EPHA3: variants seen among roughly 807,000 people sequenced by gnomAD.
The protein encoded by EPHA3 is ephrin type-A receptor 3.
A neutral mutation model predicts 107.1 loss-of-function variants in EPHA3; 42 were observed. The observed-to-expected ratio is 0.39, with a 90% confidence interval of 0.31 to 0.51. The LOEUF is 0.51. Ranked by LOEUF, EPHA3 falls within the 20% of genes least tolerant of loss-of-function variation. The probability of loss-of-function intolerance (pLI) is 0.78; values close to 1 mark genes in which losing one functional copy is unlikely to be tolerated. For synonymous variants in EPHA3, 461 were observed against 424.8 expected, an observed-to-expected ratio of 1.09 and a Z score of -1.05; for missense variants, 1,183 against 1,211.2, an observed-to-expected ratio of 0.98 and a Z score of 0.35.
At chr3:89,268,086 G>T (rs1290526951) in intron 3 of EPHA3, among the ~76,000 whole-genome samples, 4 of 152,020 alleles carry the variant, frequency 2.6e-5, no homozygotes, top group African/African-American at 9.7e-5. Context: ...ACTGATATAG[G>T]TTAAGAAAAA....
intron 3 of EPHA3, among the ~76,000 whole-genome samples, chr3:89,244,009 AC>A (rs1475726899): frequency 6.6e-6 from 1 of 152,180 alleles, no homozygotes; most frequent in Non-Finnish European, 1.5e-5. Flanking sequence ...TTCTGACAAT[AC>A]TTATATTTAT....
intron 5 of EPHA3, among the ~76,000 whole-genome samples, chr3:89,391,280 T>C (rs1708725022): frequency 6.6e-6 from 1 of 152,144 alleles, no homozygotes; most frequent in Admixed American, 6.5e-5. Flanking sequence ...TCAGTACCGC[T>C]GTGTAAGTCC....
chr3:89,415,486 A>ATATATATATATG (rs1270480047), intron 10 of EPHA3, among the ~76,000 whole-genome samples: 1 of 146,908 alleles, frequency 6.8e-6, no homozygotes, highest in African/African-American at 2.5e-5. Flanking sequence ...ATATATATAT[A>ATATATATATATG]TATATAAGCT....
At chr3:89,407,552 T>A (rs1709079286) in intron 8 of EPHA3, among the ~76,000 whole-genome samples, 181 bp downstream of exon 8, 1 of 152,146 alleles carries the variant, frequency 6.6e-6, no homozygotes, top group Admixed American at 6.6e-5. Context: ...TTAGTTTTGA[T>A]TTTCTGCTCT....
chr3:89,410,994 G>A lies in EPHA3; in HGVS notation c.1763-2147G>A, dbSNP rs1439483533. 2.0e-5 allele frequency among the ~76,000 whole-genome samples: 3 copies of A among 151,766 alleles called. No individual in the cohort carries two copies. In the South Asian group the frequency reaches 6.2e-4, roughly 31 times the overall value. The stretch of plus-strand genomic sequence containing the variant: ...TATAAGCTGATCTGTGAGCTCAAAA[G>A]TAATGGACATTTCTAAGTCTAAATT... On this transcript the variant is annotated intron_variant, in intron 9 of 16. Coordinates refer to ENST00000336596, the MANE Select transcript of EPHA3 (RefSeq NM_005233.6).
intron 3 of EPHA3, among the ~76,000 whole-genome samples, chr3:89,257,109 C>A (rs755657856): frequency 1.3e-5 from 2 of 152,138 alleles, no homozygotes; most frequent in Non-Finnish European, 2.9e-5. Context: ...GCTGGAAAAG[C>A]AAATAATTCA....
At position 89,210,072 on chromosome 3, in the gene EPHA3, G is replaced by C. The variant is rs2107181449; in HGVS notation, c.366G>C (p.Leu122=). The C allele has an allele frequency of 3.7e-6, 6 of 1,613,978 alleles. No individual in the cohort carries two copies. Among genetic ancestry groups the C allele is most frequent in the Non-Finnish European group, 5.1e-6 (6 of 1,179,926 alleles). Residue 122 remains leucine (L), a synonymous_variant, in exon 3 of 17, where the codon CTG becomes CTC. Coordinates refer to ENST00000336596, the MANE Select transcript of EPHA3 (RefSeq NM_005233.6). ...VLGTCKETFN[L]YYMESDDDHG... ...GAACTTGCAAGGAGACATTCAACCT[G>C]TACTACATGGAGTCTGATGATGATC...
intron 15 of EPHA3, among the ~76,000 whole-genome samples, chr3:89,452,398 A>T (rs1405568413): frequency 6.6e-6 from 1 of 152,092 alleles, no homozygotes; most frequent in African/African-American, 2.4e-5. Context: ...CATCCTAACA[A>T]GTGTGAGGTT....
At chr3:89,244,430 C>T (rs1408559522) in intron 3 of EPHA3, among the ~76,000 whole-genome samples, 1 of 151,826 alleles carries the variant, frequency 6.6e-6, no homozygotes, top group Non-Finnish European at 1.5e-5. Flanking sequence ...TTCTGTACAT[C>T]CAACATATTT....
At chr3:89,177,440 C>A (rs1705344906) in intron 2 of EPHA3, among the ~76,000 whole-genome samples, 1 of 152,182 alleles carries the variant, frequency 6.6e-6, no homozygotes, top group African/African-American at 2.4e-5. Flanking sequence ...CATCTGCCTT[C>A]TCTCTTCTGA....
chr3:89,263,372 C>A (rs1362548027), intron 3 of EPHA3, among the ~76,000 whole-genome samples: 2 of 152,138 alleles, frequency 1.3e-5, no homozygotes, highest in Admixed American at 6.5e-5. Context: ...CCAGCAAGGG[C>A]AAAAGGCCAG....
At chr3:89,202,532 A>AT (rs1327263930) in intron 2 of EPHA3, among the ~76,000 whole-genome samples, 376 of 25,274 alleles carry the variant, frequency 0.015, no homozygotes, top group Middle Eastern at 0.059. Flanking sequence ...AAAAAAAAAA[A>AT]AAATATATAT....
intron 3 of EPHA3, among the ~76,000 whole-genome samples, chr3:89,279,166 G>A (rs991508966): frequency 1.8e-4 from 27 of 152,038 alleles, no homozygotes; most frequent in African/African-American, 5.6e-4. Context: ...CAAACACATA[G>A]CTATGTCACT....
intron 3 of EPHA3, among the ~76,000 whole-genome samples, chr3:89,285,616 A>G (rs1205785390): frequency 1.3e-5 from 2 of 152,220 alleles, no homozygotes; most frequent in African/African-American, 4.8e-5. Flanking sequence ...TGAGCATGTC[A>G]GCTATTTACA....
intron 13 of EPHA3, among the ~76,000 whole-genome samples, chr3:89,442,997 A>G (rs1015513470): frequency 6.6e-6 from 1 of 152,220 alleles, no homozygotes; most frequent in Non-Finnish European, 1.5e-5. Context: ...TTAAGACATC[A>G]TGGAGTAAAA....
chr3:89,189,985 C>A (rs1296865653), intron 2 of EPHA3, among the ~76,000 whole-genome samples: 1 of 152,134 alleles, frequency 6.6e-6, no homozygotes, highest in Admixed American at 6.5e-5. Flanking sequence ...GAGATCTGAG[C>A]TGAAAACAGG....
At chr3:89,296,957 A>C (rs1459398476) in intron 3 of EPHA3, among the ~76,000 whole-genome samples, 2 of 151,970 alleles carry the variant, frequency 1.3e-5, no homozygotes, top group African/African-American at 4.8e-5. Context: ...TCATGAACCA[A>C]CCTCTGCTAG....
chr3:89,200,001 A>T (rs1433777253), intron 2 of EPHA3, among the ~76,000 whole-genome samples: 1 of 152,218 alleles, frequency 6.6e-6, no homozygotes, highest in East Asian at 1.9e-4. Context: ...GAGACCATGG[A>T]GGGCAGCAAG....
At chr3:89,202,794 G>A (rs181886114) in intron 2 of EPHA3, among the ~76,000 whole-genome samples, 1 of 152,060 alleles carries the variant, frequency 6.6e-6, no homozygotes, top group African/African-American at 2.4e-5. Context: ...GTATAAATAT[G>A]TGATTGAAAG....
Sources: gnomAD v4.1 joint callset for allele counts (sites outside exome capture counted in the v4.1 genomes callset) on GRCh38, gnomAD v4.1.1 for gene constraint, MANE v1.5 for transcripts, NCBI Gene and HGNC (gene_info 2026-07-23, HGNC 2026-07-21) for gene names.